ELP4: variants seen among roughly 807,000 people sequenced by gnomAD.
ELP4 encodes the protein elongator complex protein 4.
ELP4 carries 51 observed loss-of-function variants against 48.9 expected under a neutral mutation model. The ratio of observed to expected loss-of-function variants is 1.04; its 90% confidence interval spans 0.83 to 1.32. The LOEUF (loss-of-function observed/expected upper bound fraction) is 1.32, where lower values mean the gene tolerates loss of function less well. Ranked by LOEUF, ELP4 falls within the 40% of genes most tolerant of loss-of-function variation. The pLI is 0.00. For missense variants in ELP4, 519 were observed against 514.6 expected (o/e 1.01, Z -0.08); for synonymous variants, 210 against 189.2 (o/e 1.11, Z -0.90).
intron 3 of ELP4, among the ~76,000 whole-genome samples, chr11:31,578,304 G>A (rs1957321920): frequency 6.6e-6 from 1 of 152,136 alleles, no homozygotes; most frequent in South Asian, 2.1e-4. Flanking sequence ...ACAAACAAAT[G>A]GAAGAACATT....
At chr11:31,574,592 A>G (rs1957240151) in intron 3 of ELP4, among the ~76,000 whole-genome samples, 1 of 152,224 alleles carries the variant, frequency 6.6e-6, no homozygotes, top group Non-Finnish European at 1.5e-5. Flanking sequence ...AAGGTTCCAG[A>G]GGAAGGATCA....
intron 2 of ELP4, among the ~76,000 whole-genome samples, chr11:31,530,789 A>G (rs1416725998): frequency 6.6e-6 from 1 of 152,046 alleles, no homozygotes; most frequent in Non-Finnish European, 1.5e-5. Flanking sequence ...TCTCATTGTC[A>G]CATACTTTCA....
rs201873779 is a variant in ELP4, at chr11:31,744,004, T to C, written c.1144-39389T>C. ...ATTGGTAGACCACTAGCAAGACCAA[T>C]AAAGAAGAAAAGAGAGAAGAATCAA... On this transcript the variant is annotated intron_variant, in intron 9 of 9. Transcript: ENST00000640961. Among the ~76,000 whole-genome samples the C allele has an allele frequency of 2.0e-5, 3 of 151,290 alleles. No homozygotes were observed. The East Asian group carries it at 5.8e-4, about 29-fold the overall frequency.
rs369042399 is a variant in ELP4 at position 31,559,764 on chromosome 11, A to G, written c.381+19981A>G. 2.9e-4 allele frequency among the ~76,000 whole-genome samples: 44 copies of G among 152,186 alleles called. No individual in the cohort carries two copies. The East Asian group carries it at 7.4e-3, about 25-fold the overall frequency. ...ACTAAACATATAAAATTAGCCAGGC[A>G]TGGTGGCACATCCCTGTAATCCCAG... On this transcript the variant is annotated intron_variant, in intron 3 of 9. Transcript: ENST00000640961.
chr11:31,699,255 T>C (rs1946472418), intron 9 of ELP4, among the ~76,000 whole-genome samples: 1 of 152,062 alleles, frequency 6.6e-6, no homozygotes, highest in Admixed American at 6.6e-5. Flanking sequence ...ACAGAAGGTA[T>C]AAAATGAGAC....
rs1282474420 is a variant in ELP4 at position 31,695,418 on chromosome 11, T to C, written c.1143+45197T>C. Among the ~76,000 whole-genome samples, 3 of 152,158 alleles carry C rather than the reference T, an allele frequency of 2.0e-5. No individual in the cohort carries two copies. In the East Asian group the frequency reaches 5.8e-4, roughly 29 times the overall value. On this transcript the variant is annotated intron_variant, in intron 9 of 9. Transcript: ENST00000640961. ...TTTTCTGCATCTATTGAGATAATTA[T>C]GTGGTTTTTGTCTTTGGTTCTGTTT...
intron 9 of ELP4, among the ~76,000 whole-genome samples, chr11:31,756,215 A>C (rs940037803): frequency 6.6e-5 from 10 of 152,126 alleles, no homozygotes; most frequent in East Asian, 3.9e-4. Context: ...TTCCCACACA[A>C]GAATGATGTC....
intron 5 of ELP4, among the ~76,000 whole-genome samples, chr11:31,613,057 C>T (rs1309257551): frequency 6.6e-6 from 1 of 152,106 alleles, no homozygotes; most frequent in Non-Finnish European, 1.5e-5. Flanking sequence ...GTGGTGGGCA[C>T]TGTGGCTTTT....
chr11:31,635,269 C>T (rs1251237324), intron 7 of ELP4, among the ~76,000 whole-genome samples: 1 of 151,922 alleles, frequency 6.6e-6, no homozygotes, highest in Admixed American at 6.6e-5. Context: ...AACCAGGGCA[C>T]TGTGAGTTTA....
chr11:31,645,692 G>A (rs1246021997), intron 7 of ELP4: 6 of 151,660 alleles, frequency 4.0e-5, no homozygotes, highest in Admixed American at 4.0e-4. Context: ...ATTGTCAGTA[G>A]CCTTTATAAA....
At chr11:31,698,205 A>G (rs184362867) in intron 9 of ELP4, among the ~76,000 whole-genome samples, 1 of 152,186 alleles carries the variant, frequency 6.6e-6, no homozygotes, top group Admixed American at 6.5e-5. Flanking sequence ...ACATATTTGT[A>G]TTAAACTGAT....
chr11:31,519,123 A>G (rs1375745526), intron 1 of ELP4, among the ~76,000 whole-genome samples: 1 of 152,076 alleles, frequency 6.6e-6, no homozygotes, highest in African/African-American at 2.4e-5. Context: ...CCTAATTCAG[A>G]TATTTAAAAG....
At chr11:31,523,127 C>T (rs971618705) in intron 2 of ELP4, among the ~76,000 whole-genome samples, 3 of 152,008 alleles carry the variant, frequency 2.0e-5, no homozygotes, top group Non-Finnish European at 4.4e-5. Context: ...CCTGCCTCAG[C>T]CCGCAGAGTG....
intron 7 of ELP4, among the ~76,000 whole-genome samples, chr11:31,643,738 C>T (rs996612955): frequency 2.6e-5 from 4 of 151,318 alleles, no homozygotes; most frequent in Non-Finnish European, 1.5e-5. Flanking sequence ...TTTGTTTTAC[C>T]CTAATAAAAA....
At chr11:31,608,173 T>C (rs768465317) in intron 5 of ELP4, among the ~76,000 whole-genome samples, 3 of 151,544 alleles carry the variant, frequency 2.0e-5, no homozygotes, top group Non-Finnish European at 4.4e-5. Flanking sequence ...TGTTAGAGGG[T>C]ATAATGGAAT....
intron 3 of ELP4, among the ~76,000 whole-genome samples, chr11:31,545,752 C>T (rs1379103962): frequency 2.0e-5 from 3 of 152,080 alleles, no homozygotes; most frequent in Non-Finnish European, 2.9e-5. Flanking sequence ...GGGTTACCCA[C>T]AAAGGGAAGC....
chr11:31,671,291 ACTT>A (rs1945801439), intron 9 of ELP4, among the ~76,000 whole-genome samples: 1 of 152,108 alleles, frequency 6.6e-6, no homozygotes, highest in Non-Finnish European at 1.5e-5. Context: ...AGAGCACAAA[ACTT>A]AAAAGATCAA....
rs557571011 is a variant in ELP4, at chr11:31,680,739, G to C, written c.1143+30518G>C. On this transcript the variant is annotated intron_variant, in intron 9 of 9. Transcript: ENST00000640961. ...TAATCTTCTAATGTTGTGTTCAATA[G>C]GCTGCACAGTAGATGAACCTACATC... Among the ~76,000 whole-genome samples, 3 of 152,256 alleles carry C rather than the reference G, an allele frequency of 2.0e-5. No individual in the cohort carries two copies. The East Asian group carries it at 5.8e-4, about 29-fold the overall frequency.
intron 9 of ELP4, among the ~76,000 whole-genome samples, chr11:31,716,979 G>A (rs1455658275): frequency 6.6e-6 from 1 of 152,134 alleles, no homozygotes; most frequent in African/African-American, 2.4e-5. Context: ...ATTGACCAGT[G>A]AGAAGATAAT....
Sources: gnomAD v4.1 joint callset for allele counts (sites outside exome capture counted in the v4.1 genomes callset) on GRCh38, gnomAD v4.1.1 for gene constraint, MANE v1.5 for transcripts, NCBI Gene and HGNC (gene_info 2026-07-23, HGNC 2026-07-21) for gene names.